Variants in SULT1C2 observed in about 807,000 individuals in gnomAD.
SULT1C2 encodes sulfotransferase 1C2.
Under a neutral mutation model 36.0 loss-of-function variants are expected in SULT1C2, and 27 were observed. The observed-to-expected ratio is 0.75, with a 90% CI of 0.55 to 1.03. SULT1C2 has a LOEUF of 1.03. Among genes scored for constraint, SULT1C2 ranks in the 50% least tolerant of loss-of-function variants. The pLI is 0.00. For missense variants in SULT1C2, 395 were observed against 359.2 expected (o/e 1.10, Z -0.80); for synonymous variants, 121 against 116.0 (o/e 1.04, Z -0.27).
At chr2:108,299,782 C>T (rs936585128) in intron 3 of SULT1C2, 13 of 152,188 alleles carry the variant, frequency 8.5e-5, no homozygotes, top group African/African-American at 3.1e-4. Flanking sequence ...TGTACATCTA[C>T]ATTCAAAATA....
chr2:108,306,027 G>T (rs1467684362), intron 7 of SULT1C2, among the ~76,000 whole-genome samples: 1 of 152,110 alleles, frequency 6.6e-6, no homozygotes, highest in Non-Finnish European at 1.5e-5. Flanking sequence ...TATCTATTAG[G>T]CATGGCTTCC....
chr2:108,304,342 C>A, intron 4 of SULT1C2: 1 of 402,218 alleles, frequency 2.5e-6, no homozygotes, highest in Admixed American at 4.1e-5. Context: ...CTAATCCTCA[C>A]CAATCCCTAA....
At chr2:108,295,362 G>A (rs1447134014) in intron 3 of SULT1C2, among the ~76,000 whole-genome samples, 2 of 152,176 alleles carry the variant, frequency 1.3e-5, no homozygotes, top group African/African-American at 2.4e-5. Flanking sequence ...AATACCTGTG[G>A]GGCTCTGACC....
At chr2:108,302,417 G>A (rs572445056) in intron 4 of SULT1C2, 1 of 152,204 alleles carries the variant, frequency 6.6e-6, no homozygotes, top group Non-Finnish European at 1.5e-5. Context: ...CTCCCTCGGG[G>A]TTTGAGATTG....
intron 5 of SULT1C2, 112 bp from the exon 6 acceptor site, chr2:108,305,060 T>G: frequency 8.5e-7 from 1 of 1,175,286 alleles, no homozygotes; most frequent in Non-Finnish European, 1.2e-6. Flanking sequence ...AGGACATATC[T>G]AATACAGAAT....
rs112222110 is a variant in SULT1C2, at chr2:108,291,801, A to G, written c.-21-1846A>G. ...AAGAAAAGTCCACGAAGGACCTAAC[A>G]TAGAAGGCCTGCAAGAAATGTTTGT... On this transcript the variant is annotated intron_variant, in intron 1 of 7. Transcript: ENST00000251481. Among the ~76,000 whole-genome samples the G allele has an allele frequency of 3.8e-3, 586 of 152,348 alleles. 5 individuals are homozygous for G. The highest frequency in any genetic ancestry group is 0.019 in the South Asian group (93 of 4,816).
intron 2 of SULT1C2, 55 bp downstream of exon 2, chr2:108,293,873 C>T: frequency 6.3e-7 from 1 of 1,576,680 alleles, no homozygotes; most frequent in South Asian, 1.2e-5. Context: ...ACAGGCTCAT[C>T]ACTTAAGTTA....
At chr2:108,298,809 T>G (rs1676803710) in intron 3 of SULT1C2, 1 of 202,454 alleles carries the variant, frequency 4.9e-6, no homozygotes, top group Non-Finnish European at 1.0e-5. Context: ...TTCCCTCACT[T>G]GTTTTGTAAT....
intron 3 of SULT1C2, chr2:108,298,527 A>G: frequency 4.1e-6 from 1 of 246,508 alleles, no homozygotes; most frequent in Admixed American, 5.8e-5. Flanking sequence ...ACAGGTGCGT[A>G]TCACCATGCC....
chr2:108,305,023 C>G, intron 5 of SULT1C2, 149 bp from the exon 6 acceptor site: 1 of 919,898 alleles, frequency 1.1e-6, no homozygotes, highest in South Asian at 1.7e-5. Context: ...CTACACCACC[C>G]TCAAAATCAA....
Position 108,305,462 on chromosome 2 carries a change from G to A in SULT1C2, c.645G>A (p.Lys215=), listed in dbSNP as rs1156924370. Residue 215 remains lysine (K), a synonymous_variant, in exon 7 of 8, where the codon AAG becomes AAA. Transcript: ENST00000251481. The stretch of plus-strand genomic sequence containing the variant: ...AGGTGATGCAGTTCATGGGAAAGAA[G>A]GTGGATGAAACAGTGCTAGATAAAA... The part of the protein sequence containing the change: ...IRKVMQFMGK[K]VDETVLDKIV... 6.2e-7 allele frequency: 1 copy of A among 1,614,150 alleles called. No individual in the cohort carries two copies. The highest frequency in any genetic ancestry group is 8.5e-7 in the Non-Finnish European group (1 of 1,180,028).
rs778568308 is a variant in SULT1C2, at chr2:108,308,356, T to G, written c.783T>G (p.Thr261=). Residue 261 remains threonine, a synonymous_variant, in exon 8 of 8, where the codon ACT becomes ACG. Transcript: ENST00000251481. The part of the protein sequence containing the change: ...QSISSFMRKG[T]VGDWKNHFTV... ...GTCTGGCCTTCCTTTTTCTAGGAAC[T>G]GTGGGGGATTGGAAAAACCACTTCA... 39 of 1,606,262 alleles carry G rather than the reference T, an allele frequency of 2.4e-5. No homozygotes were observed. Among genetic ancestry groups the G allele is most frequent in the African/African-American group, 1.3e-4 (10 of 74,282 alleles).
chr2:108,306,902 CAATAAATA>C (rs757813932), intron 7 of SULT1C2, among the ~76,000 whole-genome samples: 1 of 151,940 alleles, frequency 6.6e-6, no homozygotes, highest in Non-Finnish European at 1.5e-5. Flanking sequence ...GAGACTGTCT[CAATAAATA>C]AATAAATAAA....
intron 5 of SULT1C2, 29 bp from the exon 6 acceptor site, chr2:108,305,143 G>C: frequency 1.2e-6 from 2 of 1,612,980 alleles, no homozygotes; most frequent in Non-Finnish European, 1.7e-6. Context: ...TGCCTATGTA[G>C]ACTATTCTGT....
chr2:108,294,262 T>C lies in SULT1C2; in HGVS notation c.185T>C (p.Ile62Thr), dbSNP rs139281019. 1.3e-3 allele frequency: 2,058 copies of C among 1,614,116 alleles called. 10 individuals are homozygous for C. The highest frequency in any genetic ancestry group is 8.3e-4 in the Non-Finnish European group (981 of 1,179,988). The change falls in exon 3 of 8, where the codon ATT becomes ACT. Residue 62 changes from isoleucine (I) to threonine (T), a missense_variant. Transcript: ENST00000251481. ...TTWIQEIVDM[I>T]EQNGDVEKCQ... ...TGGATTCAGGAAATTGTGGATATGA[T>C]TGAACAGAATGGGGACGTGGAGAAG...
chr2:108,301,248 G>A, intron 4 of SULT1C2: 1 of 286,906 alleles, frequency 3.5e-6, no homozygotes, highest in Non-Finnish European at 6.5e-6. Flanking sequence ...CCATGGGGAG[G>A]TTTTCTAACA....
chr2:108,301,171 G>T, intron 4 of SULT1C2: 1 of 515,034 alleles, frequency 1.9e-6, no homozygotes, highest in Non-Finnish European at 3.4e-6. Flanking sequence ...GAGACATGGG[G>T]AGGCAGTGAG....
At position 108,290,646 on chromosome 2, in the gene SULT1C2, A is replaced by G. The variant is rs559699561; in HGVS notation, c.-22+1576A>G. Among the ~76,000 whole-genome samples the G allele has an allele frequency of 2.6e-5, 4 of 152,302 alleles. No individual in the cohort carries two copies. The South Asian group carries it at 6.2e-4, about 24-fold the overall frequency. On this transcript the variant is annotated intron_variant, in intron 1 of 7. Transcript: ENST00000251481. Reference sequence around the variant, plus strand: ...ATCAAGACATGGTGAAGAAATAGAAAGGCAAGCAGGCATGTATAAAGGGAC... The same window carrying G: ...ATCAAGACATGGTGAAGAAATAGAAGGGCAAGCAGGCATGTATAAAGGGAC...
At chr2:108,291,044 C>T (rs2104410149) in intron 1 of SULT1C2, among the ~76,000 whole-genome samples, 1 of 152,312 alleles carries the variant, frequency 6.6e-6, no homozygotes, top group South Asian at 2.1e-4. Context: ...GTTGGCAGGG[C>T]TGCGTTCCCT....
Sources: gnomAD v4.1 joint callset for allele counts (sites outside exome capture counted in the v4.1 genomes callset) on GRCh38, gnomAD v4.1.1 for gene constraint, MANE v1.5 for transcripts, NCBI Gene and HGNC (gene_info 2026-07-23, HGNC 2026-07-21) for gene names.